INPP4B: variants seen among roughly 807,000 people sequenced by gnomAD.
INPP4B encodes inositol polyphosphate-4-phosphatase type II B.
INPP4B carries 55 observed loss-of-function variants against 122.5 expected under a neutral mutation model. That is an observed-to-expected ratio of 0.45 (90% CI 0.36 to 0.56). INPP4B has a LOEUF of 0.56. Ranked by LOEUF, INPP4B falls within the 20% of genes least tolerant of loss-of-function variation. The pLI, the probability that INPP4B is intolerant of heterozygous loss-of-function variation, is 0.00. For missense variants in INPP4B, 1,000 were observed against 1,097.7 expected (o/e 0.91, Z 1.26); for synonymous variants, 403 against 388.7 (o/e 1.04, Z -0.43).
intron 2 of INPP4B, among the ~76,000 whole-genome samples, chr4:142,668,359 A>C (rs1176204249): frequency 6.6e-6 from 1 of 152,178 alleles, no homozygotes; most frequent in Non-Finnish European, 1.5e-5. Flanking sequence ...CCTCAACAAA[A>C]TAAAGGTCAC....
intron 23 of INPP4B, among the ~76,000 whole-genome samples, chr4:142,091,736 T>C (rs1189087562): frequency 3.3e-5 from 5 of 152,252 alleles, no homozygotes; most frequent in Non-Finnish European, 7.3e-5. Context: ...AGAAGAGCTC[T>C]GACTTTGACG....
chr4:142,173,626 T>C lies in INPP4B; in HGVS notation c.1359+6A>G. The C allele has an allele frequency of 6.2e-7, 1 of 1,609,610 alleles. No homozygotes were observed. ...TTCCCAACTATAGTGATGATTTGGA[T>C]CTTACTTTTTCTGAAAGCATCTTTA... On this transcript the variant is annotated splice_donor_region_variant and intron_variant, in intron 16 of 25. Transcript: ENST00000262992.
At chr4:142,331,031 T>C (rs1223147827) in intron 7 of INPP4B, among the ~76,000 whole-genome samples, 1 of 152,170 alleles carries the variant, frequency 6.6e-6, no homozygotes, top group African/African-American at 2.4e-5. Flanking sequence ...ACAAATAAAC[T>C]TAAAAACATT....
intron 2 of INPP4B, among the ~76,000 whole-genome samples, chr4:142,645,198 A>T (rs368917876): frequency 6.6e-6 from 1 of 152,190 alleles, no homozygotes; most frequent in African/African-American, 2.4e-5. Context: ...AGTTTCAGAA[A>T]ATTTATAATC....
At position 142,028,825 on chromosome 4, in the gene INPP4B, TA is replaced by T; in HGVS notation, c.2731del (p.Tyr911ThrfsTer45). 6.2e-7 allele frequency: 1 copy of T among 1,613,618 alleles called. No homozygotes were observed. Among genetic ancestry groups the T allele is most frequent in the Non-Finnish European group, 8.5e-7 (1 of 1,179,670 alleles). On this transcript the variant is annotated frameshift_variant, in exon 26 of 26. Coordinates refer to ENST00000262992, the MANE Select transcript of INPP4B (RefSeq NM_001101669.3). LOFTEE classifies it high-confidence loss of function. ...NMLQLMAFPK[Y>X]YRPPEGTYGK... ...ATAAGTCCCCTCTGGAGGTCTGTAG[TA>T]CTTGGGGAAAGCCATCAGCTGTAGC... is the stretch of plus-strand genomic sequence containing the variant.
At chr4:142,432,407 G>T (rs931636) in intron 3 of INPP4B, among the ~76,000 whole-genome samples, 1 of 151,604 alleles carries the variant, frequency 6.6e-6, no homozygotes, top group Non-Finnish European at 1.5e-5. Flanking sequence ...AATTCAAAAC[G>T]CTTCTTGAAT....
At chr4:142,524,500 G>A (rs1580281714) in intron 2 of INPP4B, among the ~76,000 whole-genome samples, 1 of 151,754 alleles carries the variant, frequency 6.6e-6, no homozygotes, top group Non-Finnish European at 1.5e-5. Context: ...TTTTTGATGG[G>A]GTTGTTTGTT....
chr4:142,111,722 G>A (rs897606941), intron 22 of INPP4B, among the ~76,000 whole-genome samples: 1 of 151,048 alleles, frequency 6.6e-6, no homozygotes, highest in African/African-American at 2.4e-5. Context: ...GTAAAAATAA[G>A]TCTTTCAAAA....
intron 5 of INPP4B, 68 bp from the exon 6 acceptor site, chr4:142,405,392 G>A (rs1714602693): frequency 2.1e-6 from 2 of 973,830 alleles, no homozygotes; most frequent in Non-Finnish European, 1.6e-6. Context: ...CTTCTGCGCC[G>A]GGCTGAAAGT....
intron 1 of INPP4B, among the ~76,000 whole-genome samples, chr4:142,796,149 A>AC (rs925540704): frequency 6.6e-5 from 10 of 151,980 alleles, no homozygotes; most frequent in African/African-American, 2.2e-4. Flanking sequence ...CTCATAGGTG[A>AC]CAAGGACATT....
At chr4:142,079,286 C>T (rs1772553657) in intron 25 of INPP4B, among the ~76,000 whole-genome samples, 1 of 151,968 alleles carries the variant, frequency 6.6e-6, no homozygotes, top group Non-Finnish European at 1.5e-5. Context: ...TCTCATCCCT[C>T]CCTCCCTTCT....
intron 2 of INPP4B, among the ~76,000 whole-genome samples, chr4:142,629,467 G>A (rs1560889791): frequency 6.6e-6 from 1 of 151,976 alleles, no homozygotes; most frequent in Non-Finnish European, 1.5e-5. Flanking sequence ...TTTATTTCTA[G>A]ATGAGATGAA....
chr4:142,320,477 T>C (rs899012781), intron 7 of INPP4B, among the ~76,000 whole-genome samples: 2 of 152,104 alleles, frequency 1.3e-5, no homozygotes, highest in African/African-American at 4.8e-5. Context: ...ACATTTGTTT[T>C]GACAGAATAA....
intron 2 of INPP4B, among the ~76,000 whole-genome samples, chr4:142,675,030 G>C (rs1757527318): frequency 2.0e-5 from 3 of 152,216 alleles, no homozygotes; most frequent in African/African-American, 7.2e-5. Context: ...AGGAGATAGA[G>C]ACATGAAAAA....
chr4:142,076,573 G>C (rs1052449542), intron 25 of INPP4B, among the ~76,000 whole-genome samples: 1 of 151,958 alleles, frequency 6.6e-6, no homozygotes, highest in Non-Finnish European at 1.5e-5. Flanking sequence ...AAACTCTCAA[G>C]GGAGGAGACA....
At chr4:142,349,052 A>T (rs1474322260) in intron 7 of INPP4B, among the ~76,000 whole-genome samples, 1 of 151,960 alleles carries the variant, frequency 6.6e-6, no homozygotes, top group Non-Finnish European at 1.5e-5. Context: ...AATTTCTATC[A>T]CATTTGCCTG....
At chr4:142,550,625 T>A (rs5006342) in intron 2 of INPP4B, among the ~76,000 whole-genome samples, 119,211 of 147,504 alleles carry the variant, frequency 0.81, 48,953 homozygotes, top group East Asian at 0.96. Flanking sequence ...TATATATTTT[T>A]TTTTTTACTT....
chr4:142,355,574 A>C (rs1308815049), intron 7 of INPP4B, among the ~76,000 whole-genome samples: 1 of 152,076 alleles, frequency 6.6e-6, no homozygotes, highest in Non-Finnish European at 1.5e-5. Context: ...TGTTTCATAG[A>C]AACTAAAATA....
intron 14 of INPP4B, among the ~76,000 whole-genome samples, chr4:142,206,825 A>T (rs1266065648): frequency 6.6e-6 from 1 of 151,912 alleles, no homozygotes; most frequent in East Asian, 1.9e-4. Context: ...CAAAAGATCT[A>T]CCCCCTCAGC....
Sources: allele counts gnomAD v4.1 joint callset (sites outside exome capture counted in the v4.1 genomes callset), GRCh38; gene constraint gnomAD v4.1.1; transcripts MANE v1.5; gene names NCBI Gene and HGNC (gene_info 2026-07-23, HGNC 2026-07-21).